The following LIMS1 variants were observed in gnomAD, a reference collection of about 807,000 sequenced individuals.
LIMS1 encodes the protein LIM zinc finger domain containing 1, also known as LIM and senescent cell antigen-like-containing domain protein 1.
A neutral mutation model predicts 44.1 loss-of-function variants in LIMS1; 18 were observed. The observed-to-expected ratio is 0.41, with a 90% confidence interval of 0.28 to 0.61. LIMS1 has a LOEUF of 0.61. Among genes scored for constraint, LIMS1 ranks in the 20% least tolerant of loss-of-function variants. The pLI is 0.32. For missense variants in LIMS1, 201 were observed against 422.0 expected, an observed-to-expected ratio of 0.48 and a Z score of 4.59; for synonymous variants, 93 against 149.1, an observed-to-expected ratio of 0.62 and a Z score of 2.74.
exon 10 of LIMS1, chr2:108,686,462 A>G (rs1693311133): frequency 6.6e-6 from 1 of 151,264 alleles, no homozygotes; most frequent in Non-Finnish European, 1.5e-5. Context: ...GTATAGGAGA[A>G]GAGGAAGAAG....
chr2:108,541,431 T>A (rs2104569527), intron 1 of LIMS1, among the ~76,000 whole-genome samples: 1 of 152,326 alleles, frequency 6.6e-6, no homozygotes, highest in Non-Finnish European at 1.5e-5. Context: ...GTGCAGTAGA[T>A]TCAACAGGAT....
At chr2:108,536,558 C>G (rs1209316020) in intron 1 of LIMS1, among the ~76,000 whole-genome samples, 1 of 152,180 alleles carries the variant, frequency 6.6e-6, no homozygotes. Context: ...AAGAAAGCTA[C>G]TACGAACAAA....
chr2:108,638,054 C>T (rs1689400597), intron 1 of LIMS1, among the ~76,000 whole-genome samples: 1 of 152,162 alleles, frequency 6.6e-6, no homozygotes, highest in Non-Finnish European at 1.5e-5. Context: ...CCACGTTGCC[C>T]AGGCTGGTCT....
At chr2:108,611,596 T>C (rs1687604940) in intron 1 of LIMS1, among the ~76,000 whole-genome samples, 1 of 152,072 alleles carries the variant, frequency 6.6e-6, no homozygotes, top group Admixed American at 6.6e-5. Flanking sequence ...ATATTGGCTC[T>C]AGGCTGGGTG....
chr2:108,621,497 C>T (rs746329643), intron 1 of LIMS1: 59 of 1,442,646 alleles, frequency 4.1e-5, no homozygotes, highest in Non-Finnish European at 5.5e-5. Context: ...AAGGTCAAGA[C>T]ATCTAATCTA....
chr2:108,676,162 A>G, intron 6 of LIMS1, 134 bp downstream of exon 6: 3 of 1,159,076 alleles, frequency 2.6e-6, no homozygotes, highest in South Asian at 3.3e-5. Context: ...TGTCCTGGCA[A>G]GATTAGGAGA....
chr2:108,580,607 G>A (rs1465514813), intron 1 of LIMS1, among the ~76,000 whole-genome samples: 1 of 152,208 alleles, frequency 6.6e-6, no homozygotes, highest in African/African-American at 2.4e-5. Flanking sequence ...AGGTGATGGT[G>A]CCAGAAGTAG....
chr2:108,662,157 T>G, intron 2 of LIMS1: 1 of 1,611,926 alleles, frequency 6.2e-7, no homozygotes, highest in Non-Finnish European at 8.5e-7. Flanking sequence ...CCTGGCTTGC[T>G]CTTTCCCCTG....
chr2:108,661,941 G>A (rs1691403097), intron 2 of LIMS1, among the ~76,000 whole-genome samples: 1 of 152,068 alleles, frequency 6.6e-6, no homozygotes. Context: ...TAGCAGGTTT[G>A]CGACATGAAA....
intron 1 of LIMS1, among the ~76,000 whole-genome samples, chr2:108,623,786 C>T (rs8179686): frequency 0.44 from 67,171 of 152,072 alleles, 16,368 homozygotes; most frequent in East Asian, 0.96. Context: ...TCATTTCTTA[C>T]GTTTGTGGAC....
chr2:108,644,854 C>G (rs1283797472), intron 1 of LIMS1, among the ~76,000 whole-genome samples: 3 of 151,680 alleles, frequency 2.0e-5, no homozygotes, highest in Non-Finnish European at 4.4e-5. Context: ...ATGAAGCACA[C>G]ACAAGTATCA....
intron 2 of LIMS1, among the ~76,000 whole-genome samples, chr2:108,661,425 C>G: frequency 6.6e-6 from 1 of 151,630 alleles, no homozygotes; most frequent in Non-Finnish European, 1.5e-5. Flanking sequence ...TGACTCCTTC[C>G]CTGGGCAGTG....
At chr2:108,545,235 G>A (rs1228353270) in intron 1 of LIMS1, among the ~76,000 whole-genome samples, 1 of 152,016 alleles carries the variant, frequency 6.6e-6, no homozygotes, top group Non-Finnish European at 1.5e-5. Context: ...ATATCCTCAG[G>A]GTATATGGTT....
chr2:108,596,311 G>C (rs1271272889), intron 1 of LIMS1, among the ~76,000 whole-genome samples: 2 of 152,218 alleles, frequency 1.3e-5, no homozygotes, highest in South Asian at 2.1e-4. Flanking sequence ...GAAATGAAAG[G>C]GTCCGTGGAA....
intron 1 of LIMS1, among the ~76,000 whole-genome samples, chr2:108,556,093 A>C (rs1330695853): frequency 2.0e-5 from 3 of 151,990 alleles, no homozygotes; most frequent in Non-Finnish European, 4.4e-5. Flanking sequence ...TTAAACAATA[A>C]CTCCCATTCT....
intron 1 of LIMS1, among the ~76,000 whole-genome samples, chr2:108,595,867 A>G (rs923394347): frequency 1.2e-4 from 18 of 152,210 alleles, no homozygotes; most frequent in African/African-American, 4.1e-4. Flanking sequence ...TTTAAACTCA[A>G]CAGTTCAACA....
chr2:108,651,150 G>A (rs755044321), intron 1 of LIMS1, among the ~76,000 whole-genome samples: 3 of 152,160 alleles, frequency 2.0e-5, no homozygotes, highest in Non-Finnish European at 2.9e-5. Flanking sequence ...TGCAGTGGAG[G>A]ACATGTCTGA....
intron 1 of LIMS1, among the ~76,000 whole-genome samples, chr2:108,544,672 T>C (rs1465256169): frequency 6.6e-6 from 1 of 152,086 alleles, no homozygotes; most frequent in African/African-American, 2.4e-5. Context: ...TTTTTGTATT[T>C]TTAGTAGAGA....
chr2:108,543,853 CCT>C (rs1684395283), intron 1 of LIMS1, among the ~76,000 whole-genome samples: 2 of 152,144 alleles, frequency 1.3e-5, no homozygotes, highest in South Asian at 2.1e-4. Flanking sequence ...CTCTTCCTCC[CCT>C]GTTCATCTGC....
Sources: allele counts gnomAD v4.1 joint callset (sites outside exome capture counted in the v4.1 genomes callset), GRCh38; gene constraint gnomAD v4.1.1; transcripts MANE v1.5; gene names NCBI Gene and HGNC (gene_info 2026-07-23, HGNC 2026-07-21).